DPP6: variants seen among roughly 807,000 people sequenced by gnomAD.
DPP6 encodes the protein dipeptidyl peptidase like 6.
In DPP6, 69 loss-of-function variants were observed where a neutral mutation model predicts 122.6. The ratio of observed to expected loss-of-function variants is 0.56; its 90% confidence interval spans 0.46 to 0.69. The LOEUF (loss-of-function observed/expected upper bound fraction) is 0.69, where lower values mean the gene tolerates loss of function less well. Among genes scored for constraint, DPP6 ranks in the 30% least tolerant of loss-of-function variants. The pLI, the probability that DPP6 is intolerant of heterozygous loss-of-function variation, is 0.00. For missense variants in DPP6, 928 were observed against 1,116.9 expected (o/e 0.83, Z 2.41); for synonymous variants, 418 against 433.1 (o/e 0.97, Z 0.43).
At chr7:154,357,092 C>T (rs1251115938) in intron 1 of DPP6, among the ~76,000 whole-genome samples, 1 of 152,022 alleles carries the variant, frequency 6.6e-6, no homozygotes, top group Non-Finnish European at 1.5e-5. Flanking sequence ...TTTGATTATC[C>T]TCATAATATA....
intron 5 of DPP6, among the ~76,000 whole-genome samples, chr7:154,623,655 G>GCGCGCGCA (rs1834876079): frequency 1.3e-4 from 3 of 23,504 alleles, no homozygotes; most frequent in Non-Finnish European, 2.6e-4. Flanking sequence ...GCACACACGC[G>GCGCGCGCA]CACACACACG....
intron 1 of DPP6, among the ~76,000 whole-genome samples, chr7:154,078,155 T>G (rs537335960): frequency 2.0e-5 from 3 of 152,268 alleles, no homozygotes; most frequent in Admixed American, 1.3e-4. Flanking sequence ...TTTCATGTTT[T>G]GATTTGCTTT....
At chr7:154,367,858 G>A (rs577547328) in intron 1 of DPP6, among the ~76,000 whole-genome samples, 8 of 152,308 alleles carry the variant, frequency 5.3e-5, no homozygotes, top group East Asian at 1.9e-4. Context: ...TTGTCCAGGC[G>A]ACAGTGGGCG....
the DPP6 span, among the ~76,000 whole-genome samples, chr7:153,797,310 T>TA: frequency 1.3e-5 from 2 of 151,656 alleles, no homozygotes; most frequent in Non-Finnish European, 2.9e-5. Context: ...CAACCAGATG[T>TA]AAAAAATGAA....
At chr7:154,267,085 T>A (rs1490309678) in intron 1 of DPP6, among the ~76,000 whole-genome samples, 2 of 152,058 alleles carry the variant, frequency 1.3e-5, no homozygotes, top group Non-Finnish European at 2.9e-5. Flanking sequence ...CAAAAGCAGA[T>A]GTTGGAATCT....
chr7:154,800,321 G>A (rs1798284694), intron 12 of DPP6, among the ~76,000 whole-genome samples: 1 of 152,192 alleles, frequency 6.6e-6, no homozygotes, highest in African/African-American at 2.4e-5. Flanking sequence ...CTCACTGTAG[G>A]GAAATGAGTT....
intron 1 of DPP6, among the ~76,000 whole-genome samples, chr7:153,888,293 C>G (rs924938141): frequency 6.6e-6 from 1 of 152,244 alleles, no homozygotes; most frequent in Non-Finnish European, 1.5e-5. Context: ...CGCTGACTCC[C>G]CCAAAAGCTT....
intron 1 of DPP6, among the ~76,000 whole-genome samples, chr7:154,228,801 C>T (rs1217786893): frequency 2.0e-5 from 3 of 152,172 alleles, no homozygotes; most frequent in Non-Finnish European, 2.9e-5. Flanking sequence ...TGATGTCAGT[C>T]ATTTAGTCCA....
At chr7:154,803,388 T>C (rs371003276) in intron 13 of DPP6, among the ~76,000 whole-genome samples, 34 of 152,306 alleles carry the variant, frequency 2.2e-4, no homozygotes, top group African/African-American at 7.9e-4. Flanking sequence ...AGGTCCAAAC[T>C]GTCCTTGTCA....
chr7:154,220,415 CTA>C (rs1342110224), intron 1 of DPP6, among the ~76,000 whole-genome samples: 1 of 152,104 alleles, frequency 6.6e-6, no homozygotes, highest in Non-Finnish European at 1.5e-5. Flanking sequence ...TGAGACCTAG[CTA>C]ACTGGGGAAG....
intron 1 of DPP6, among the ~76,000 whole-genome samples, chr7:154,060,160 C>T (rs1386242630): frequency 9.4e-5 from 14 of 148,562 alleles, no homozygotes; most frequent in East Asian, 2.0e-4. Context: ...CTTTGCACCC[C>T]CATCGCAGGG....
In DPP6 at chr7:154,793,946, G is replaced by A. The variant is rs1348683577; in HGVS notation, c.1137-133G>A. On this transcript the variant is annotated intron_variant, in intron 10 of 25. Transcript: ENST00000377770. ...TTTATAAGCCAGATTTCAGAAGCTC[G>A]CAGGCTGGCTGTGTCACCACTGGCT... 13 of 1,382,552 alleles carry A rather than the reference G, an allele frequency of 9.4e-6. No homozygotes were observed. In the East Asian group the frequency reaches 1.8e-4, roughly 19 times the overall value. The allele number at this position is 1,382,552 out of a possible 1,614,324, so 85.6% of individuals were successfully genotyped here. A position where few individuals can be genotyped will look rare whatever the true frequency, so the allele number is the denominator to read the frequency against.
chr7:153,847,990 C>T, the DPP6 span, among the ~76,000 whole-genome samples: 3 of 152,176 alleles, frequency 2.0e-5, no homozygotes, highest in Non-Finnish European at 2.9e-5. Context: ...GCCTGCCTCA[C>T]GTGTACTGGG....
intron 1 of DPP6, among the ~76,000 whole-genome samples, chr7:154,185,388 A>G (rs1293213632): frequency 6.6e-6 from 1 of 152,100 alleles, no homozygotes; most frequent in African/African-American, 2.4e-5. Context: ...TAGTTATTCT[A>G]CTTGGGATTC....
chr7:154,592,957 C>T (rs1251725576), intron 5 of DPP6, among the ~76,000 whole-genome samples: 5 of 152,242 alleles, frequency 3.3e-5, no homozygotes, highest in African/African-American at 1.2e-4. Flanking sequence ...GTTGAAGAAA[C>T]AGCAGAAACA....
At chr7:154,572,092 G>T (rs1478610892) in intron 5 of DPP6, among the ~76,000 whole-genome samples, 1 of 152,208 alleles carries the variant, frequency 6.6e-6, no homozygotes, top group Non-Finnish European at 1.5e-5. Flanking sequence ...AGTCCTGAGA[G>T]AAGATGGTTT....
intron 3 of DPP6, among the ~76,000 whole-genome samples, chr7:154,518,595 G>T (rs969897040): frequency 6.6e-6 from 1 of 152,110 alleles, no homozygotes; most frequent in Non-Finnish European, 1.5e-5. Flanking sequence ...TGAAATGGGA[G>T]GACTGTAGCC....
At chr7:154,147,892 A>G (rs1165311164) in intron 1 of DPP6, among the ~76,000 whole-genome samples, 2 of 151,774 alleles carry the variant, frequency 1.3e-5, no homozygotes, top group Non-Finnish European at 2.9e-5. Flanking sequence ...AATAGTTTTG[A>G]TGTTTAAATG....
intron 1 of DPP6, among the ~76,000 whole-genome samples, chr7:154,292,297 T>G (rs1805260095): frequency 6.6e-6 from 1 of 152,240 alleles, no homozygotes; most frequent in South Asian, 2.1e-4. Flanking sequence ...GACTGTTCTC[T>G]GTCATCCCAC....
Sources: allele counts gnomAD v4.1 joint callset (sites outside exome capture counted in the v4.1 genomes callset), GRCh38; gene constraint gnomAD v4.1.1; transcripts MANE v1.5; gene names NCBI Gene and HGNC (gene_info 2026-07-23, HGNC 2026-07-21).